BBS9: variants seen among roughly 807,000 people sequenced by gnomAD.
BBS9 encodes the protein protein PTHB1.
In BBS9, 89 loss-of-function variants were observed where a neutral mutation model predicts 117.7. The observed-to-expected ratio is 0.76, with a 90% CI of 0.64 to 0.90. The LOEUF (loss-of-function observed/expected upper bound fraction) is 0.90, where lower values mean the gene tolerates loss of function less well. Among genes scored for constraint, BBS9 ranks in the 40% least tolerant of loss-of-function variants. The pLI is 0.00. For synonymous variants in BBS9, 379 were observed against 370.9 expected, an observed-to-expected ratio of 1.02 and a Z score of -0.25; for missense variants, 982 against 1,042.2, an observed-to-expected ratio of 0.94 and a Z score of 0.80.
chr7:33,413,804 C>T (rs1212066351), intron 19 of BBS9, among the ~76,000 whole-genome samples: 1 of 152,036 alleles, frequency 6.6e-6, no homozygotes, highest in African/African-American at 2.4e-5. Context: ...GGCAGATCAC[C>T]TGAGGTCAGG....
chr7:33,175,130 C>A (rs1583472916), intron 4 of BBS9, among the ~76,000 whole-genome samples: 1 of 151,922 alleles, frequency 6.6e-6, no homozygotes, highest in African/African-American at 2.4e-5. Context: ...ATGGTGAAAC[C>A]CTGTCTGTAC....
At chr7:33,564,116 C>T (rs1260315968) in intron 21 of BBS9, among the ~76,000 whole-genome samples, 1 of 151,784 alleles carries the variant, frequency 6.6e-6, no homozygotes, top group Non-Finnish European at 1.5e-5. Flanking sequence ...ATCACCTCCC[C>T]TTCTTTGTTT....
At chr7:33,447,630 T>C (rs1837188861) in intron 19 of BBS9, among the ~76,000 whole-genome samples, 1 of 152,236 alleles carries the variant, frequency 6.6e-6, no homozygotes, top group Admixed American at 6.5e-5. Context: ...AGAAGTTTAC[T>C]ATCAGGGTGT....
chr7:33,554,278 C>G (rs1242227683), intron 21 of BBS9, among the ~76,000 whole-genome samples: 1 of 151,986 alleles, frequency 6.6e-6, no homozygotes, highest in Admixed American at 6.6e-5. Context: ...TTGATTTATG[C>G]CTTTAAAAAT....
chr7:33,368,549 T>C (rs1330508759), intron 17 of BBS9, among the ~76,000 whole-genome samples: 1 of 147,854 alleles, frequency 6.8e-6, no homozygotes, highest in Non-Finnish European at 1.5e-5. Context: ...AAGGAAGTAT[T>C]TAACGAATCT....
intron 21 of BBS9, among the ~76,000 whole-genome samples, chr7:33,558,627 A>G (rs2129106962): frequency 6.6e-6 from 1 of 152,154 alleles, no homozygotes; most frequent in East Asian, 1.9e-4. Flanking sequence ...TTTTTTTATG[A>G]ACCTATTATC....
At chr7:33,472,207 G>T (rs1444796092) in intron 19 of BBS9, among the ~76,000 whole-genome samples, 9 of 152,190 alleles carry the variant, frequency 5.9e-5, no homozygotes, top group African/African-American at 1.9e-4. Flanking sequence ...GAGGCAATAG[G>T]CATATCTAAA....
At chr7:33,535,754 A>G (rs1192486818) in intron 21 of BBS9, among the ~76,000 whole-genome samples, 2 of 152,148 alleles carry the variant, frequency 1.3e-5, no homozygotes, top group Non-Finnish European at 2.9e-5. Flanking sequence ...CACAGGAAAA[A>G]CAAAGGAGAC....
chr7:33,562,840 C>CT (rs1435621674), intron 21 of BBS9, among the ~76,000 whole-genome samples: 1 of 152,138 alleles, frequency 6.6e-6, no homozygotes, highest in Non-Finnish European at 1.5e-5. Context: ...AGAAGAATCA[C>CT]TTGAACCCAG....
At chr7:33,456,794 A>G (rs1838717857) in intron 19 of BBS9, among the ~76,000 whole-genome samples, 1 of 152,226 alleles carries the variant, frequency 6.6e-6, no homozygotes, top group African/African-American at 2.4e-5. Context: ...TTAAAAAGTG[A>G]CAAGATGTAA....
At chr7:33,478,577 G>A (rs145170740) in intron 19 of BBS9, among the ~76,000 whole-genome samples, 260 of 152,242 alleles carry the variant, frequency 1.7e-3, no homozygotes, top group African/African-American at 5.7e-3. Context: ...CACATTAAGT[G>A]TAATTTTATT....
chr7:33,487,103 C>T (rs1030232572), intron 19 of BBS9, among the ~76,000 whole-genome samples: 5 of 152,154 alleles, frequency 3.3e-5, no homozygotes, highest in African/African-American at 1.2e-4. Context: ...TCCTTTGATC[C>T]TCACCTTGTG....
At chr7:33,351,873 C>A in intron 14 of BBS9, 1 of 166,238 alleles carries the variant, frequency 6.0e-6, no homozygotes, top group Non-Finnish European at 1.3e-5. Context: ...CGGGCATGTC[C>A]AGGCAAGCCA....
At chr7:33,258,005 T>C (rs993407805) in intron 6 of BBS9, among the ~76,000 whole-genome samples, 4 of 152,218 alleles carry the variant, frequency 2.6e-5, no homozygotes, top group Non-Finnish European at 4.4e-5. Flanking sequence ...GAAATTCTTA[T>C]TGGTCTTGGT....
At chr7:33,497,415 A>G (rs1844879231) in intron 19 of BBS9, among the ~76,000 whole-genome samples, 1 of 152,166 alleles carries the variant, frequency 6.6e-6, no homozygotes, top group South Asian at 2.1e-4. Context: ...TCGTACTGGA[A>G]AATTGTGGGC....
chr7:33,184,514 G>A (rs746906166), intron 5 of BBS9, among the ~76,000 whole-genome samples: 3 of 152,070 alleles, frequency 2.0e-5, no homozygotes, highest in Non-Finnish European at 2.9e-5. Context: ...TCCTAAGTTG[G>A]GTCTCGAACC....
chr7:33,290,409 A>T (rs921906291), intron 9 of BBS9, among the ~76,000 whole-genome samples: 5 of 152,180 alleles, frequency 3.3e-5, no homozygotes, highest in African/African-American at 7.2e-5. Context: ...GGAATAATGG[A>T]GGGATGCAGT....
chr7:33,180,115 A>G (rs955924967), intron 5 of BBS9, among the ~76,000 whole-genome samples: 1 of 149,284 alleles, frequency 6.7e-6, no homozygotes, highest in Non-Finnish European at 1.5e-5. Flanking sequence ...CTGTTCCATA[A>G]CCGTCTTTCC....
intron 9 of BBS9, among the ~76,000 whole-genome samples, chr7:33,293,287 A>C (rs1468338414): frequency 6.6e-6 from 1 of 152,058 alleles, no homozygotes; most frequent in Non-Finnish European, 1.5e-5. Flanking sequence ...AAGGGGTTAT[A>C]GCAAAGAAAA....
Sources: allele counts gnomAD v4.1 joint callset (sites outside exome capture counted in the v4.1 genomes callset), GRCh38; gene constraint gnomAD v4.1.1; transcripts MANE v1.5; gene names NCBI Gene and HGNC (gene_info 2026-07-23, HGNC 2026-07-21).